The following UTS2 variants were observed in gnomAD, a reference collection of about 807,000 sequenced individuals.
UTS2 encodes the protein urotensin-2.
UTS2 carries 10 observed loss-of-function variants against 12.6 expected under a neutral mutation model. The ratio of observed to expected loss-of-function variants is 0.80; its 90% CI spans 0.49 to 1.35. The LOEUF (loss-of-function observed/expected upper bound fraction) is 1.35. UTS2 is among the 40% of genes most tolerant of loss of function. UTS2 has a pLI of 0.00. For missense variants in UTS2, 142 were observed against 143.2 expected, an observed-to-expected ratio of 0.99 and a Z score of 0.04; for synonymous variants, 52 against 50.0, an observed-to-expected ratio of 1.04 and a Z score of -0.17.
chr1:7,897,509 A>G, the UTS2 span, among the ~76,000 whole-genome samples: 1 of 152,236 alleles, frequency 6.6e-6, no homozygotes, highest in Admixed American at 6.5e-5. Flanking sequence ...TATCTTTACA[A>G]TATGGAGGCT....
the UTS2 span, among the ~76,000 whole-genome samples, chr1:7,898,829 A>G: frequency 3.3e-5 from 5 of 152,284 alleles, 1 homozygote; most frequent in South Asian, 8.3e-4. Context: ...GGAAATGTTC[A>G]AGGCCCTGAT....
chr1:7,848,709 G>A (rs924093670), intron 3 of UTS2, among the ~76,000 whole-genome samples: 21 of 151,944 alleles, frequency 1.4e-4, no homozygotes, highest in African/African-American at 4.8e-4. Context: ...TTGTAGAGAC[G>A]GGGTTTCGCT....
chr1:7,910,408 G>T, the UTS2 span, among the ~76,000 whole-genome samples: 7 of 151,976 alleles, frequency 4.6e-5, no homozygotes, highest in Non-Finnish European at 7.4e-5. Context: ...AATGAAGGCT[G>T]CACAGAGAGG....
At chr1:7,887,778 AG>A in the UTS2 span, among the ~76,000 whole-genome samples, 1 of 150,464 alleles carries the variant, frequency 6.6e-6, no homozygotes, top group Non-Finnish European at 1.5e-5. Context: ...AAAAAAAAAA[AG>A]ATTAAATCTT....
chr1:7,911,259 A>T, the UTS2 span, among the ~76,000 whole-genome samples: 1 of 152,180 alleles, frequency 6.6e-6, no homozygotes, highest in African/African-American at 2.4e-5. Flanking sequence ...AATTGCACTG[A>T]ATTATAAGCA....
the UTS2 span, among the ~76,000 whole-genome samples, chr1:7,891,544 G>GAAAGAAAGAAAA: frequency 8.1e-5 from 10 of 123,626 alleles, no homozygotes; most frequent in African/African-American, 3.1e-4. Flanking sequence ...AGAAAAGAAA[G>GAAAGAAAGAAAA]AAAGAAAGAA....
upstream of UTS2, among the ~76,000 whole-genome samples, chr1:7,858,171 G>A (rs1038814377): frequency 1.3e-5 from 2 of 152,166 alleles, no homozygotes; most frequent in Admixed American, 6.5e-5. Flanking sequence ...AAAGGCTTAC[G>A]CTTAAAAGAA....
chr1:7,862,859 T>G, the UTS2 span, among the ~76,000 whole-genome samples: 1 of 152,162 alleles, frequency 6.6e-6, no homozygotes, highest in Non-Finnish European at 1.5e-5. Flanking sequence ...GGCTGTTCCC[T>G]CTGCTTGGAA....
At chr1:7,881,371 A>G in the UTS2 span, among the ~76,000 whole-genome samples, 1 of 152,186 alleles carries the variant, frequency 6.6e-6, no homozygotes. Flanking sequence ...CAGATAACAT[A>G]ATTGTACATA....
the UTS2 span, among the ~76,000 whole-genome samples, chr1:7,906,443 GAAAAAGAGAA>G: frequency 1.1e-5 from 1 of 90,348 alleles, no homozygotes; most frequent in Non-Finnish European, 2.2e-5. Context: ...AAGAAAGAAA[GAAAAAGAGAA>G]AGAAAGAAAG....
chr1:7,863,812 G>T, the UTS2 span, among the ~76,000 whole-genome samples: 1 of 152,210 alleles, frequency 6.6e-6, no homozygotes, highest in Non-Finnish European at 1.5e-5. Flanking sequence ...CGTTTAATTG[G>T]TTCATGATTA....
chr1:7,850,589 C>T (rs1051003816), intron 2 of UTS2, among the ~76,000 whole-genome samples: 1 of 152,136 alleles, frequency 6.6e-6, no homozygotes, highest in Non-Finnish European at 1.5e-5. Flanking sequence ...AAAGTCCACA[C>T]AGAAAGACAA....
the UTS2 span, among the ~76,000 whole-genome samples, chr1:7,877,788 G>T: frequency 4.0e-3 from 616 of 152,140 alleles, 1 homozygote; most frequent in South Asian, 8.9e-3. Flanking sequence ...CAAGAGAATC[G>T]CTTGAACCTG....
the UTS2 span, among the ~76,000 whole-genome samples, chr1:7,896,469 T>C: frequency 6.6e-6 from 1 of 152,180 alleles, no homozygotes; most frequent in Non-Finnish European, 1.5e-5. Context: ...AATATTTGTG[T>C]GTGTATGTGT....
At chr1:7,909,500 C>T in the UTS2 span, among the ~76,000 whole-genome samples, 2 of 142,538 alleles carry the variant, frequency 1.4e-5, no homozygotes, top group East Asian at 2.1e-4. Flanking sequence ...GCTGAGATCG[C>T]ACCACTACAC....
rs777330872 is a variant in UTS2 at position 7,847,846 on chromosome 1, G to A, written c.295C>T (p.Leu99=). 6 of 1,613,644 alleles carry A rather than the reference G, an allele frequency of 3.7e-6. No individual in the cohort carries two copies. Among genetic ancestry groups the A allele is most frequent in the South Asian group, 3.3e-5 (3 of 91,010 alleles). Residue 99 remains leucine, a synonymous_variant, in exon 4 of 4, where the codon CTG becomes TTG. Coordinates refer to ENST00000361696, the MANE Select transcript of UTS2 (RefSeq NM_006786.4). The part of the protein sequence containing the change: ...DFSGQDPNIL[L]SHLLARIWKP... ...CAGATTCTGGCCAAAAGATGACTCAGTAAAATGTTAGGATCTTGTCCAGAG... is the reference window on the plus strand; with the variant it reads ...CAGATTCTGGCCAAAAGATGACTCAATAAAATGTTAGGATCTTGTCCAGAG...
the UTS2 span, among the ~76,000 whole-genome samples, chr1:7,881,695 G>A: frequency 1.4e-4 from 22 of 152,200 alleles, no homozygotes; most frequent in Non-Finnish European, 2.8e-4. Flanking sequence ...TTGTTAAAAT[G>A]ACCATACTCC....
At chr1:7,847,984 ACTT>A (rs2097409601) in intron 3 of UTS2, 102 bp from the exon 4 acceptor site, 5 of 819,206 alleles carry the variant, frequency 6.1e-6, no homozygotes, top group Middle Eastern at 2.9e-4. Context: ...AAGACACTGG[ACTT>A]CTTAAAAGTA....
the UTS2 span, among the ~76,000 whole-genome samples, chr1:7,901,606 A>ATGTGTGTGTGTGTG: frequency 7.1e-5 from 9 of 126,686 alleles, no homozygotes; most frequent in African/African-American, 2.5e-4. Context: ...ATATTCATCT[A>ATGTGTGTGTGTGTG]TGTGTGTGTG....
Sources: allele counts gnomAD v4.1 joint callset (sites outside exome capture counted in the v4.1 genomes callset), GRCh38; gene constraint gnomAD v4.1.1; transcripts MANE v1.5; gene names NCBI Gene and HGNC (gene_info 2026-07-23, HGNC 2026-07-21).